The following NUDT5 variants were observed in gnomAD, a reference collection of about 807,000 sequenced individuals.
NUDT5 encodes nudix hydrolase 5, also known as ADP-sugar pyrophosphatase.
NUDT5 carries 21 observed loss-of-function variants against 34.1 expected under a neutral mutation model. The observed-to-expected ratio is 0.62, with a 90% CI of 0.44 to 0.89. NUDT5 has a LOEUF of 0.89. NUDT5 is among the 40% of genes least tolerant of loss of function. The probability of loss-of-function intolerance (pLI) is 0.00; values close to 1 mark genes in which losing one functional copy is unlikely to be tolerated. For missense variants in NUDT5, 249 were observed against 274.8 expected (o/e 0.91, Z 0.66); for synonymous variants, 85 against 97.6 (o/e 0.87, Z 0.76).
In NUDT5 at chr10:12,166,799, A is replaced by G; in HGVS notation, c.*903T>C. On this transcript the variant is annotated 3_prime_UTR_variant, in exon 10 of 10. Transcript: ENST00000491614. ...ACTCAAGAAGCTAAGAAAATGGCCCAGGAACACTGGTAGAACTGCTAGATG... is the reference window on the plus strand; with the variant it reads ...ACTCAAGAAGCTAAGAAAATGGCCCGGGAACACTGGTAGAACTGCTAGATG... 2.1e-6 allele frequency: 1 copy of G among 478,372 alleles called. No homozygotes were observed. Among genetic ancestry groups the G allele is most frequent in the South Asian group, 1.5e-5 (1 of 64,708 alleles). The allele number at this position is 478,372 out of a possible 1,614,324, so 29.6% of individuals were successfully genotyped here.
chr10:12,172,173 C>T (rs190965886), intron 7 of NUDT5, among the ~76,000 whole-genome samples: 18 of 152,064 alleles, frequency 1.2e-4, no homozygotes, highest in African/African-American at 2.4e-4. Flanking sequence ...AGAGACAACA[C>T]GGAATTGACA....
In NUDT5 at chr10:12,184,517, TTTCTC is replaced by T. The variant is rs2131712438; in HGVS notation, c.131+367_131+371del. On this transcript the variant is annotated intron_variant, in intron 3 of 9. Coordinates refer to ENST00000491614, the MANE Select transcript of NUDT5 (RefSeq NM_014142.4). Reference sequence around the variant, plus strand: ...ACCTCAAAATTAGCAATGTTGTTGTTTTCTCTTTATTTCTTCTAATTTAGAAATTA... The same window carrying T: ...ACCTCAAAATTAGCAATGTTGTTGTTTTTATTTCTTCTAATTTAGAAATTA... The T allele has an allele frequency of 3.9e-6, 6 of 1,546,592 alleles. No homozygotes were observed. The South Asian group carries it at 7.2e-5, about 18-fold the overall frequency.
chr10:12,179,027 A>ACGAT, intron 4 of NUDT5, 56 bp downstream of exon 4: 1 of 1,428,436 alleles, frequency 7.0e-7, no homozygotes, highest in Non-Finnish European at 9.9e-7. Context: ...AAACCCTCTT[A>ACGAT]CGATCACAAG....
At position 12,177,893 on chromosome 10, in the gene NUDT5, C is replaced by T. The variant is rs371734243; in HGVS notation, c.189G>A (p.Ala63=). ...GTGTTCTCTGCAGCACGGGGATGAC[C>T]GCGACACCTGTCACCAGGAAATGGA... is the stretch of plus-strand genomic sequence containing the variant. ...TRKEQTADGV[A]VIPVLQRTLH... Residue 63 remains alanine (A), a synonymous_variant, in exon 5 of 10, where the codon GCG becomes GCA. Coordinates refer to ENST00000491614, the MANE Select transcript of NUDT5 (RefSeq NM_014142.4). 2.9e-5 allele frequency: 47 copies of T among 1,613,478 alleles called. No individual in the cohort carries two copies. The highest frequency in any genetic ancestry group is 3.6e-5 in the Non-Finnish European group (42 of 1,179,686).
chr10:12,184,970 A>G lies in NUDT5; in HGVS notation c.64-14T>C. The G allele has an allele frequency of 7.0e-7, 1 of 1,433,690 alleles. No individual in the cohort carries two copies. Among genetic ancestry groups the G allele is most frequent in the Non-Finnish European group, 9.8e-7 (1 of 1,022,968 alleles). The allele number at this position is 1,433,690 out of a possible 1,614,324, so 88.8% of individuals were successfully genotyped here. A position where few individuals can be genotyped will look rare whatever the true frequency, so the allele number is the denominator to read the frequency against. On this transcript the variant is annotated splice_polypyrimidine_tract_variant and intron_variant, in intron 2 of 9. Transcript: ENST00000491614. ...TTCTGAAATTAACTAAAAGGATATC[A>G]GATAATAAGTTGGGAAACTTTCAAA... is the stretch of plus-strand genomic sequence containing the variant.
chr10:12,167,618 A>G lies in NUDT5; in HGVS notation c.*84T>C. 1.5e-6 allele frequency: 2 copies of G among 1,309,374 alleles called. No homozygotes were observed. The highest frequency in any genetic ancestry group is 2.2e-6 in the Non-Finnish European group (2 of 920,020). The allele number at this position is 1,309,374 out of a possible 1,614,324, so 81.1% of individuals were successfully genotyped here. A position where few individuals can be genotyped will look rare whatever the true frequency, so the allele number is the denominator to read the frequency against. On this transcript the variant is annotated 3_prime_UTR_variant, in exon 10 of 10. Transcript: ENST00000491614. ...TTACGAAAAAGCTAATGGCAAATCTACATTAAACTAAGTTGAATACAAAGT... is the reference window on the plus strand; with the variant it reads ...TTACGAAAAAGCTAATGGCAAATCTGCATTAAACTAAGTTGAATACAAAGT...
At chr10:12,192,696 A>G (rs1309624395) in intron 1 of NUDT5, among the ~76,000 whole-genome samples, 6 of 152,148 alleles carry the variant, frequency 3.9e-5, no homozygotes, top group Admixed American at 3.9e-4. Context: ...CTAAAAATAC[A>G]AAAAATTAGC....
Position 12,171,809 on chromosome 10 carries a change from C to A in NUDT5, c.488-901G>T, listed in dbSNP as rs192082786. 7.2e-5 allele frequency among the ~76,000 whole-genome samples: 11 copies of A among 151,868 alleles called. No individual in the cohort carries two copies. The highest frequency in any genetic ancestry group is 4.4e-5 in the Non-Finnish European group (3 of 67,974). ...GTGTGATCTTGACTCACTGCAACCT[C>A]CGCCTCCTGGGTTCAAGTGATTCTT... On this transcript the variant is annotated intron_variant, in intron 7 of 9. Coordinates refer to ENST00000491614, the MANE Select transcript of NUDT5 (RefSeq NM_014142.4). This position sits in a 1 kb window ranked among gnomAD's most constrained non-coding sequence, Gnocchi z 4.2.
chr10:12,184,843 G>C (rs1453326540), intron 3 of NUDT5, 46 bp downstream of exon 3: 2 of 1,078,518 alleles, frequency 1.9e-6, no homozygotes, highest in Non-Finnish European at 2.8e-6. Flanking sequence ...CAGATAACCT[G>C]AGAACCCAAA....
chr10:12,172,747 C>G lies in NUDT5; in HGVS notation c.487+18G>C. 1 of 1,582,794 alleles carries G rather than the reference C, an allele frequency of 6.3e-7. No individual in the cohort carries two copies. Among genetic ancestry groups the G allele is most frequent in the East Asian group, 2.2e-5 (1 of 44,752 alleles). On this transcript the variant is annotated intron_variant, in intron 7 of 9. Transcript: ENST00000491614. ...TAATGCAACCACACCACCTTCATCA[C>G]AGCCGACACACACATACCTGGCTTT...
chr10:12,177,498 G>GAC (rs1227690332), intron 5 of NUDT5, among the ~76,000 whole-genome samples: 1 of 152,198 alleles, frequency 6.6e-6, no homozygotes, highest in Non-Finnish European at 1.5e-5. Context: ...CAGCCTGGGT[G>GAC]ATAGAGCGAG....
In NUDT5 at chr10:12,169,360, T is replaced by A; in HGVS notation, c.550+1357A>T. 7.0e-7 allele frequency: 1 copy of A among 1,429,814 alleles called. No homozygotes were observed. The allele number at this position is 1,429,814 out of a possible 1,614,324, so 88.6% of individuals were successfully genotyped here. A position where few individuals can be genotyped will look rare whatever the true frequency, so the allele number is the denominator to read the frequency against. ...CCCCGCACGGCATTTCACACTTGCC[T>A]ACGTCACCCTGCTTTCCACGCACCT... On this transcript the variant is annotated intron_variant, in intron 9 of 9. Coordinates refer to ENST00000491614, the MANE Select transcript of NUDT5 (RefSeq NM_014142.4). This position sits in a 1 kb window ranked among gnomAD's most constrained non-coding sequence, Gnocchi z 4.8.
rs1228115578 is a variant in NUDT5, at chr10:12,171,945, G to A, written c.487+820C>T. 4.6e-5 allele frequency among the ~76,000 whole-genome samples: 7 copies of A among 151,870 alleles called. No individual in the cohort carries two copies. The South Asian group carries it at 8.3e-4, about 18-fold the overall frequency. On this transcript the variant is annotated intron_variant, in intron 7 of 9. Coordinates refer to ENST00000491614, the MANE Select transcript of NUDT5 (RefSeq NM_014142.4). The surrounding 1 kb of genome is among the most constrained non-coding windows in gnomAD (Gnocchi z 4.2). ...TCACCATGTTGGCCAGGCTGATCTC[G>A]AGCTCCTGACCTCAAGTGATCCACC... is the stretch of plus-strand genomic sequence containing the variant.
intron 3 of NUDT5, chr10:12,184,552 C>CT (rs1835095771): frequency 3.9e-6 from 6 of 1,519,788 alleles, no homozygotes; most frequent in Non-Finnish European, 5.4e-6. Flanking sequence ...AAATTAAAAA[C>CT]AGATTTTACT....
rs551579504 is a variant in NUDT5 at position 12,174,216 on chromosome 10, C to T, written c.290-403G>A. Among the ~76,000 whole-genome samples the T allele has an allele frequency of 7.4e-4, 112 of 151,022 alleles. 1 individual carries two copies. The highest frequency in any genetic ancestry group is 1.2e-3 in the Non-Finnish European group (83 of 67,832). On this transcript the variant is annotated intron_variant, in intron 5 of 9. Transcript: ENST00000491614. ...TGCTGCTGCACTACGTTAGGAGAATCGGAGCACTGTGAAAAGTGGTCTTAC... is the reference window on the plus strand; with the variant it reads ...TGCTGCTGCACTACGTTAGGAGAATTGGAGCACTGTGAAAAGTGGTCTTAC...
At position 12,167,176 on chromosome 10, in the gene NUDT5, C is replaced by T. The variant is rs904566137; in HGVS notation, c.*526G>A. On this transcript the variant is annotated 3_prime_UTR_variant, in exon 10 of 10. Transcript: ENST00000491614. ...ACTGAAAACTAGTAGAGGATTCTAT[C>T]GAACCCTACCCTAGTTGGATTCAAC... The T allele has an allele frequency of 3.1e-5, 5 of 158,968 alleles. No individual in the cohort carries two copies. The highest frequency in any genetic ancestry group is 3.1e-3 in the Middle Eastern group (1 of 322). 9.8% of individuals were successfully genotyped at this position (158,968 alleles called of 1,614,324 possible). A position where few individuals can be genotyped will look rare whatever the true frequency, so the allele number is the denominator to read the frequency against.
chr10:12,193,588 G>A (rs964536459), intron 1 of NUDT5, among the ~76,000 whole-genome samples: 1 of 152,142 alleles, frequency 6.6e-6, no homozygotes, highest in Non-Finnish European at 1.5e-5. Context: ...AAAATACAGT[G>A]AACCCTCATT....
rs1363926368 is a variant in NUDT5 at position 12,187,207 on chromosome 10, A to G, written c.-41-875T>C. 1.3e-5 allele frequency among the ~76,000 whole-genome samples: 2 copies of G among 151,938 alleles called. No individual in the cohort carries two copies. The highest frequency in any genetic ancestry group is 2.9e-5 in the Non-Finnish European group (2 of 68,008). ...GCTACCACAGCCAACTAATGTTTTAAACTTTTGGTAGAGGTGGGGTCTCAC... is the reference window on the plus strand; with the variant it reads ...GCTACCACAGCCAACTAATGTTTTAGACTTTTGGTAGAGGTGGGGTCTCAC... On this transcript the variant is annotated intron_variant, in intron 1 of 9. Coordinates refer to ENST00000491614, the MANE Select transcript of NUDT5 (RefSeq NM_014142.4). This position sits in a 1 kb window ranked among gnomAD's most constrained non-coding sequence, Gnocchi z 5.4.
rs933518732 is a variant in NUDT5, at chr10:12,187,602, T to C, written c.-41-1270A>G. Among the ~76,000 whole-genome samples, 2 of 152,234 alleles carry C rather than the reference T, an allele frequency of 1.3e-5. No individual in the cohort carries two copies. The highest frequency in any genetic ancestry group is 2.9e-5 in the Non-Finnish European group (2 of 68,036). On this transcript the variant is annotated intron_variant, in intron 1 of 9. Coordinates refer to ENST00000491614, the MANE Select transcript of NUDT5 (RefSeq NM_014142.4). The surrounding 1 kb of genome is among the most constrained non-coding windows in gnomAD (Gnocchi z 5.4). ...CAGTTGTCTATGAAACTGTAAGGCA[T>C]TGCTTAGTTGTCTTACTTCTGGTGC...
Sources: allele counts gnomAD v4.1 joint callset (sites outside exome capture counted in the v4.1 genomes callset), GRCh38; gene constraint gnomAD v4.1.1; non-coding constraint Gnocchi (gnomAD v3.1); transcripts MANE v1.5; gene names NCBI Gene and HGNC (gene_info 2026-07-23, HGNC 2026-07-21).